GFM1: variants seen among roughly 807,000 people sequenced by gnomAD.
GFM1 encodes the protein elongation factor G, mitochondrial.
A neutral mutation model predicts 96.2 loss-of-function variants in GFM1; 62 were observed. The ratio of observed to expected loss-of-function variants is 0.64; its 90% CI spans 0.53 to 0.80. The LOEUF is 0.80. Ranked by LOEUF, GFM1 falls within the 30% of genes least tolerant of loss-of-function variation. GFM1 has a pLI of 0.00. For synonymous variants in GFM1, 282 were observed against 312.9 expected (o/e 0.90, Z 1.04); for missense variants, 852 against 916.6 (o/e 0.93, Z 0.91).
rs111270770 is a variant in GFM1, at chr3:158,649,357, A to G, written c.689+200A>G. On this transcript the variant is annotated intron_variant, in intron 5 of 17. Coordinates refer to ENST00000486715, the MANE Select transcript of GFM1 (RefSeq NM_024996.7). ...TATTTATTCTGTGAGAGACTATGTT[A>G]CTTTTTGGGTAATATACCCATATCA... The G allele has an allele frequency of 6.5e-3, 2,921 of 448,246 alleles. 81 individuals carry two copies. Among genetic ancestry groups the G allele is most frequent in the African/African-American group, 0.053 (2,638 of 50,148 alleles). 27.8% of individuals were successfully genotyped at this position (448,246 alleles called of 1,614,324 possible). A position where few individuals can be genotyped will look rare whatever the true frequency, so the allele number is the denominator to read the frequency against.
chr3:158,675,285 CAAAAAAAAAAAAAA>C (rs1172885215), intron 13 of GFM1, among the ~76,000 whole-genome samples: 1 of 52,664 alleles, frequency 1.9e-5, no homozygotes. Context: ...GACTCCATCT[CAAAAAAAAAAAAAA>C]AAAAAAAAAA....
At chr3:158,677,369 G>C (rs991303360) in intron 13 of GFM1, among the ~76,000 whole-genome samples, 2 of 152,192 alleles carry the variant, frequency 1.3e-5, no homozygotes, top group Non-Finnish European at 2.9e-5. Flanking sequence ...TGGTTCATGA[G>C]GTTTAAGGAA....
Position 158,646,198 on chromosome 3 carries a change from G to C in GFM1, c.268G>C (p.Asp90His), listed in dbSNP as rs781700550. The change falls in exon 3 of 18, where the codon GAT becomes CAT. Residue 90 changes from aspartate (D) to histidine (H), a missense_variant. Transcript: ENST00000486715. The part of the protein sequence containing the change: ...KGKDGVGAVM[D>H]SMELERQRGI... ...TAAAGATGGAGTTGGTGCTGTCATG[G>C]ATTCCATGGAACTAGAGAGACAAAG... The C allele has an allele frequency of 1.9e-6, 3 of 1,613,992 alleles. No homozygotes were observed. Among genetic ancestry groups the C allele is most frequent in the Non-Finnish European group, 2.5e-6 (3 of 1,179,960 alleles).
intron 3 of GFM1, among the ~76,000 whole-genome samples, chr3:158,646,498 G>A (rs1721813531): frequency 6.6e-6 from 1 of 152,206 alleles, no homozygotes; most frequent in Non-Finnish European, 1.5e-5. Context: ...TAAATTGTGA[G>A]TAGGCAGATT....
In GFM1 at chr3:158,645,637, G is replaced by T. The variant is rs764364981; in HGVS notation, c.90G>T (p.Trp30Cys). 7.4e-6 allele frequency: 12 copies of T among 1,612,708 alleles called. No homozygotes were observed. In the East Asian group the frequency reaches 2.0e-4, roughly 27 times the overall value. Reference protein sequence around the residue: ...SLGWQRKQVNWKACRWSSSGV... With the variant: ...SLGWQRKQVNCKACRWSSSGV... Reference sequence around the variant, plus strand: ...TCTCGTATTTTTTTCAGGTTAATTGGAAGGCCTGCCGATGGTCTTCATCAG... The same window carrying T: ...TCTCGTATTTTTTTCAGGTTAATTGTAAGGCCTGCCGATGGTCTTCATCAG... Residue 30 changes from tryptophan to cysteine, a missense_variant, in exon 2 of 18, where the codon TGG (tryptophan) becomes TGT (cysteine). Transcript: ENST00000486715.
intron 6 of GFM1, among the ~76,000 whole-genome samples, chr3:158,652,483 A>G (rs1312012009): frequency 6.6e-6 from 1 of 152,106 alleles, no homozygotes; most frequent in Admixed American, 6.5e-5. Flanking sequence ...TGGGGACCTG[A>G]TTTTAGTCTC....
rs1726423881 is a variant in GFM1, at chr3:158,693,071, A to G, written c.*1604A>G. 1 of 152,192 alleles carries G rather than the reference A, an allele frequency of 6.6e-6. No homozygotes were observed. The highest frequency in any genetic ancestry group is 2.1e-4 in the South Asian group (1 of 4,822). 9.4% of individuals were successfully genotyped at this position (152,192 alleles called of 1,614,324 possible). A position where few individuals can be genotyped will look rare whatever the true frequency, so the allele number is the denominator to read the frequency against. On this transcript the variant is annotated 3_prime_UTR_variant, in exon 18 of 18. Transcript: ENST00000486715. ...GTACTATTATTATGTCCATTTTGTA[A>G]TAGAAGAAGCACAGATAAGGTAAAT... is the stretch of plus-strand genomic sequence containing the variant.
chr3:158,672,928 A>G (rs563171216), intron 13 of GFM1, among the ~76,000 whole-genome samples: 9 of 152,278 alleles, frequency 5.9e-5, no homozygotes, highest in African/African-American at 2.2e-4. Context: ...TGTCCATGGG[A>G]AAAAAGTCTG....
intron 7 of GFM1, 53 bp downstream of exon 7, chr3:158,653,520 G>T (rs1043343558): frequency 5.0e-5 from 65 of 1,301,690 alleles, no homozygotes; most frequent in Non-Finnish European, 6.9e-5. Context: ...TCGTATTTAT[G>T]CACTGTGAAG....
intron 6 of GFM1, 64 bp from the exon 7 acceptor site, chr3:158,653,246 A>T: frequency 7.8e-7 from 1 of 1,280,716 alleles, no homozygotes; most frequent in Non-Finnish European, 1.1e-6. Context: ...ATTTGTTTGT[A>T]GTTGACTTGA....
rs1258353702 is a variant in GFM1 at position 158,660,953 on chromosome 3, A to C, written c.1301A>C (p.Lys434Thr). 1 of 1,613,878 alleles carries C rather than the reference A, an allele frequency of 6.2e-7. No individual in the cohort carries two copies. The highest frequency in any genetic ancestry group is 8.5e-7 in the Non-Finnish European group (1 of 1,179,732). ...GCTAGTGGAGACACATTCACAGACAAAGCCAACAGCGGCCTTTCTATGGTA... is the reference window on the plus strand; with the variant it reads ...GCTAGTGGAGACACATTCACAGACACAGCCAACAGCGGCCTTTCTATGGTA... ...DCASGDTFTD[K>T]ANSGLSMESI... Residue 434 changes from lysine (K) to threonine (T), a missense_variant, in exon 10 of 18, where the codon AAA (lysine) becomes ACA (threonine). Physicochemically the swap from Lys to Thr is moderately conservative, Grantham distance 78. Coordinates refer to ENST00000486715, the MANE Select transcript of GFM1 (RefSeq NM_024996.7).
chr3:158,690,040 T>A, intron 15 of GFM1, 123 bp from the exon 16 acceptor site: 1 of 829,386 alleles, frequency 1.2e-6, no homozygotes, highest in Non-Finnish European at 2.0e-6. Context: ...GGTCGAATAT[T>A]TTAACCTTGC....
chr3:158,659,030 C>G lies in GFM1; in HGVS notation c.1192C>G (p.Leu398Val). 6.2e-7 allele frequency: 1 copy of G among 1,614,176 alleles called. No homozygotes were observed. Among genetic ancestry groups the G allele is most frequent in the East Asian group, 2.2e-5 (1 of 44,890 alleles). ...RTRKKVRLQR[L>V]ARMHADMMED... Reference sequence around the variant, plus strand: ...AAGAAAGAAAGTACGGTTGCAACGGCTGGCTCGCATGCATGCCGACATGAT... The same window carrying G: ...AAGAAAGAAAGTACGGTTGCAACGGGTGGCTCGCATGCATGCCGACATGAT... Residue 398 changes from leucine (L) to valine (V), a missense_variant, in exon 9 of 18, where the codon CTG (leucine) becomes GTG (valine). Physicochemically the swap from Leu to Val is conservative, Grantham distance 32. Transcript: ENST00000486715.
At chr3:158,677,813 A>AT (rs1725030588) in intron 13 of GFM1, among the ~76,000 whole-genome samples, 1 of 152,182 alleles carries the variant, frequency 6.6e-6, no homozygotes, top group Non-Finnish European at 1.5e-5. Flanking sequence ...AACAACAGAG[A>AT]TTTTCAGTGT....
rs149695048 is a variant in GFM1 at position 158,669,002 on chromosome 3, C to T, written c.1601+2616C>T. 1,184 of 1,610,316 alleles carry T rather than the reference C, an allele frequency of 7.4e-4. 12 individuals carry two copies. In the African/African-American group the frequency reaches 0.012, roughly 17 times the overall value. Reference sequence around the variant, plus strand: ...TTTTATAGAAACTACTTACCACTTGCTTGACAGTTTGAATTTTTACCATTT... The same window carrying T: ...TTTTATAGAAACTACTTACCACTTGTTTGACAGTTTGAATTTTTACCATTT... On this transcript the variant is annotated intron_variant, in intron 13 of 17. Transcript: ENST00000486715.
At chr3:158,648,738 G>C (rs568399144) in intron 4 of GFM1, among the ~76,000 whole-genome samples, 30 of 150,342 alleles carry the variant, frequency 2.0e-4, no homozygotes, top group African/African-American at 6.6e-4. Flanking sequence ...TAATTTCCTG[G>C]CTAGCCCTCC....
chr3:158,650,076 T>C (rs1215689911), intron 5 of GFM1: 1 of 1,529,476 alleles, frequency 6.5e-7, no homozygotes, highest in Non-Finnish European at 8.8e-7. Context: ...GCGAATGGCA[T>C]TGTGATCAGT....
chr3:158,665,541 A>C, intron 12 of GFM1, 67 bp downstream of exon 12: 2 of 1,389,538 alleles, frequency 1.4e-6, no homozygotes, highest in Non-Finnish European at 2.0e-6. Context: ...AAAGTCAATA[A>C]TTCTCAATCT....
At chr3:158,650,184 CTGAG>C in intron 5 of GFM1, 1 of 807,868 alleles carries the variant, frequency 1.2e-6, no homozygotes, top group Non-Finnish European at 2.1e-6. Context: ...TATGTAACAA[CTGAG>C]TAATGACAAC....
Sources: allele counts gnomAD v4.1 joint callset (sites outside exome capture counted in the v4.1 genomes callset), GRCh38; gene constraint gnomAD v4.1.1; transcripts MANE v1.5; gene names NCBI Gene and HGNC (gene_info 2026-07-23, HGNC 2026-07-21).